The following TBCD variants were observed in gnomAD, a reference collection of about 807,000 sequenced individuals.
TBCD encodes tubulin-specific chaperone D.
A neutral mutation model predicts 169.3 loss-of-function variants in TBCD; 105 were observed. The ratio of observed to expected loss-of-function variants is 0.62; its 90% CI spans 0.53 to 0.73. The LOEUF is 0.73. Among genes scored for constraint, TBCD ranks in the 30% least tolerant of loss-of-function variants. The probability of loss-of-function intolerance (pLI) is 0.00; values close to 1 mark genes in which losing one functional copy is unlikely to be tolerated. For missense variants in TBCD, 1,444 were observed against 1,600.1 expected, an observed-to-expected ratio of 0.90 and a Z score of 1.66; for synonymous variants, 700 against 643.9, an observed-to-expected ratio of 1.09 and a Z score of -1.32.
Position 82,939,482 on chromosome 17 carries a change from T to TGAAG in TBCD, c.3479+8_3479+11dup, listed in dbSNP as rs1202953410. The TGAAG allele has an allele frequency of 6.2e-7, 1 of 1,610,324 alleles. No individual in the cohort carries two copies. Among genetic ancestry groups the TGAAG allele is most frequent in the Non-Finnish European group, 8.5e-7 (1 of 1,177,956 alleles). On this transcript the variant is annotated splice_region_variant and intron_variant, in intron 37 of 38. Transcript: ENST00000355528. ...GTGCTCAGTGACACTGCGTGGTGAG[T>TGAAG]GAAGGCCCTTCCTGCACGGCCACCT...
At chr17:82,760,875 A>C (rs1039243852) in intron 2 of TBCD, among the ~76,000 whole-genome samples, 1 of 151,766 alleles carries the variant, frequency 6.6e-6, no homozygotes, top group African/African-American at 2.4e-5. Context: ...ATGCAGTAGG[A>C]GGTCTTTTGG....
chr17:82,932,741 G>C lies in TBCD; in HGVS notation c.3191+6G>C, dbSNP rs759362666. On this transcript the variant is annotated splice_donor_region_variant and intron_variant, in intron 34 of 38. Coordinates refer to ENST00000355528, the MANE Select transcript of TBCD (RefSeq NM_005993.5). The stretch of plus-strand genomic sequence containing the variant: ...ATCTTCACCACGGAGGAGGAGTGAG[G>C]CTCTGCTTTTCATGACTTCCTTTCC... 3.1e-6 allele frequency: 5 copies of C among 1,613,736 alleles called. No homozygotes were observed. Among genetic ancestry groups the C allele is most frequent in the Non-Finnish European group, 3.4e-6 (4 of 1,179,840 alleles).
rs1170570366 is a variant in TBCD, at chr17:82,884,244, G to C, written c.1533+42G>C. The C allele has an allele frequency of 6.5e-7, 1 of 1,544,778 alleles. No individual in the cohort carries two copies. The highest frequency in any genetic ancestry group is 1.2e-5 in the South Asian group (1 of 84,834). ...TGATATTTCCTTTCCTGAAGGTGGG[G>C]GGTGGGCCTGGTCTCCCTGATGCTC... On this transcript the variant is annotated intron_variant, in intron 15 of 38. Transcript: ENST00000355528. The surrounding 1 kb of genome is among the most constrained non-coding windows in gnomAD (Gnocchi z 4.2).
intron 2 of TBCD, among the ~76,000 whole-genome samples, chr17:82,763,179 C>T (rs1275102763): frequency 1.3e-5 from 2 of 152,166 alleles, no homozygotes; most frequent in Non-Finnish European, 1.5e-5. Context: ...TTTCATTTCT[C>T]TCAGCTTCTT....
At position 82,806,553 on chromosome 17, in the gene TBCD, C is replaced by G. The variant is rs555973626; in HGVS notation, c.1087+542C>G. Among the ~76,000 whole-genome samples the G allele has an allele frequency of 1.6e-3, 240 of 152,270 alleles. No individual in the cohort carries two copies. The highest frequency in any genetic ancestry group is 6.8e-3 in the Middle Eastern group (2 of 294). On this transcript the variant is annotated intron_variant, in intron 10 of 38. Transcript: ENST00000355528. This position sits in a 1 kb window ranked among gnomAD's most constrained non-coding sequence, Gnocchi z 5.1. ...GTCCACACACTGTCCTGCCCTCCTG[C>G]CGCGGTTGGATGAAGTCTTCCCTGG... is the stretch of plus-strand genomic sequence containing the variant.
intron 17 of TBCD, among the ~76,000 whole-genome samples, chr17:82,895,323 C>T (rs906145696): frequency 8.5e-5 from 13 of 152,154 alleles, no homozygotes; most frequent in African/African-American, 3.1e-4. Context: ...CCCCTGCACC[C>T]GAGGCAGGGT....
At chr17:82,937,798 G>T in intron 35 of TBCD, 1 of 1,355,624 alleles carries the variant, frequency 7.4e-7, no homozygotes, top group South Asian at 1.5e-5. Flanking sequence ...ATGGCAGGGC[G>T]AGCGGCCCTG....
In TBCD at chr17:82,929,449, C is replaced by T. The variant is rs199642032; in HGVS notation, c.2940C>T (p.Tyr980=). The T allele has an allele frequency of 2.1e-4, 337 of 1,611,624 alleles. No individual in the cohort carries two copies. Among genetic ancestry groups the T allele is most frequent in the Non-Finnish European group, 2.6e-4 (307 of 1,179,880 alleles). ...TQLLGLPTYR[Y]HVLLGLVVSL... is the part of the protein sequence containing the mutation. ...TCCTTGGGCTGCCCACCTACCGCTA[C>T]CACGTCCTGCTGGGGCTAGTCGTGT... Residue 980 remains tyrosine, a synonymous_variant, in exon 32 of 39, where the codon TAC becomes TAT. Coordinates refer to ENST00000355528, the MANE Select transcript of TBCD (RefSeq NM_005993.5).
Position 82,754,146 on chromosome 17 carries a change from C to T in TBCD, c.184+1769C>T, listed in dbSNP as rs564989433. 2.8e-3 allele frequency among the ~76,000 whole-genome samples: 425 copies of T among 152,180 alleles called. 4 individuals are homozygous for T. Among genetic ancestry groups the T allele is most frequent in the African/African-American group, 9.5e-3 (395 of 41,536 alleles). On this transcript the variant is annotated intron_variant, in intron 1 of 38. Transcript: ENST00000355528. ...CGCCTCAGCCTCCCAAAGTGAGCCA[C>T]CACGCCCGGCTGGAGTTTTATTATT...
chr17:82,941,754 T>A (rs2063300173), intron 38 of TBCD: 1 of 500,240 alleles, frequency 2.0e-6, no homozygotes, highest in Admixed American at 3.8e-5. Flanking sequence ...TGATCCAGGC[T>A]CCTCATGCCT....
At chr17:82,817,089 A>G (rs890470674) in intron 13 of TBCD, among the ~76,000 whole-genome samples, 1 of 152,136 alleles carries the variant, frequency 6.6e-6, no homozygotes, top group Non-Finnish European at 1.5e-5. Flanking sequence ...CTTATTGGAT[A>G]TATGATTTGC....
rs574229003 is a variant in TBCD at position 82,833,929 on chromosome 17, A to G, written c.1318+18995A>G. Among the ~76,000 whole-genome samples, 1 of 151,086 alleles carries G rather than the reference A, an allele frequency of 6.6e-6. No individual in the cohort carries two copies. Among genetic ancestry groups the G allele is most frequent in the Non-Finnish European group, 1.5e-5 (1 of 67,852 alleles). On this transcript the variant is annotated intron_variant, in intron 13 of 38. Transcript: ENST00000355528. The surrounding 1 kb of genome is among the most constrained non-coding windows in gnomAD (Gnocchi z 4.7). ...CCTTCAGAGGCTGTGCCGCACGCCC[A>G]AGGCTGAGAACAAAGGCTGTTTTTC... is the stretch of plus-strand genomic sequence containing the variant.
chr17:82,790,767 C>G (rs1425472600), intron 7 of TBCD, among the ~76,000 whole-genome samples: 1 of 152,160 alleles, frequency 6.6e-6, no homozygotes, highest in Non-Finnish European at 1.5e-5. Flanking sequence ...CACATGGTGT[C>G]CACAGTGGAT....
chr17:82,836,696 AAACAAAAC>A (rs1466542304), intron 13 of TBCD, among the ~76,000 whole-genome samples: 5 of 143,364 alleles, frequency 3.5e-5, no homozygotes, highest in African/African-American at 1.5e-4. Context: ...GCAAAAAAAA[AAACAAAAC>A]AAAACAAAAC....
Position 82,773,728 on chromosome 17 carries a change from CT to C in TBCD, c.638+1233del, listed in dbSNP as rs201526542. ...GCGAGAGTGTCTTTTCTTTTTCTTT[CT>C]TTTTTTTTTTTAATTGAGATGGAGT... On this transcript the variant is annotated intron_variant, in intron 6 of 38. Coordinates refer to ENST00000355528, the MANE Select transcript of TBCD (RefSeq NM_005993.5). Among the ~76,000 whole-genome samples, 934 of 144,904 alleles carry C rather than the reference CT, an allele frequency of 6.4e-3. 9 individuals carry two copies. Among genetic ancestry groups the C allele is most frequent in the African/African-American group, 0.016 (647 of 39,822 alleles).
chr17:82,913,105 T>G (rs1295067542), intron 23 of TBCD: 2 of 152,314 alleles, frequency 1.3e-5, no homozygotes, highest in African/African-American at 4.8e-5. Flanking sequence ...GCCTCCTTAG[T>G]GGGATCAAGA....
chr17:82,876,190 G>A (rs986532889), intron 14 of TBCD, among the ~76,000 whole-genome samples: 1 of 152,212 alleles, frequency 6.6e-6, no homozygotes, highest in East Asian at 1.9e-4. Context: ...GGGACAAGTC[G>A]AGGCGTGCAC....
chr17:82,848,622 G>A (rs1030446513), intron 13 of TBCD, among the ~76,000 whole-genome samples: 5 of 152,158 alleles, frequency 3.3e-5, no homozygotes, highest in African/African-American at 9.7e-5. Flanking sequence ...GAAGTCATGA[G>A]TTAAATCGCA....
At chr17:82,940,215 A>ACGCG (rs150235409) in intron 37 of TBCD, among the ~76,000 whole-genome samples, 21 of 96,758 alleles carry the variant, frequency 2.2e-4, no homozygotes, top group African/African-American at 5.8e-4. Context: ...GCTCACTTGC[A>ACGCG]CGCGCGCACA....
Sources: gnomAD v4.1 joint callset for allele counts (sites outside exome capture counted in the v4.1 genomes callset) on GRCh38, gnomAD v4.1.1 for gene constraint, Gnocchi (gnomAD v3.1) non-coding constraint, MANE v1.5 for transcripts, NCBI Gene and HGNC (gene_info 2026-07-23, HGNC 2026-07-21) for gene names.